Variants in WDR64 observed in about 807,000 individuals in gnomAD.
WDR64 encodes WD repeat domain 64, also known as WD repeat-containing protein 64.
In WDR64, 112 loss-of-function variants were observed where a neutral mutation model predicts 139.3. The observed-to-expected ratio is 0.80, with a 90% CI of 0.69 to 0.94. The LOEUF (loss-of-function observed/expected upper bound fraction) is 0.94. Ranked by LOEUF, WDR64 falls within the 40% of genes least tolerant of loss-of-function variation. The pLI is 0.00. For synonymous variants in WDR64, 444 were observed against 437.7 expected, an observed-to-expected ratio of 1.01 and a Z score of -0.18; for missense variants, 1,206 against 1,293.1, an observed-to-expected ratio of 0.93 and a Z score of 1.03.
intron 2 of WDR64, among the ~76,000 whole-genome samples, chr1:241,667,473 T>A (rs1383955011): frequency 6.6e-6 from 1 of 152,192 alleles, no homozygotes; most frequent in African/African-American, 2.4e-5. Flanking sequence ...AAGGTACTAA[T>A]CAGTTAACCT....
chr1:241,657,462 A>G (rs1665652908), intron 1 of WDR64, among the ~76,000 whole-genome samples: 1 of 152,156 alleles, frequency 6.6e-6, no homozygotes, highest in African/African-American at 2.4e-5. Context: ...CTCACCTCAC[A>G]GCATTTTCCG....
chr1:241,801,459 A>G lies in WDR64; in HGVS notation c.*244A>G, dbSNP rs982241300. On this transcript the variant is annotated 3_prime_UTR_variant, in exon 28 of 28. Coordinates refer to ENST00000437684, the MANE Select transcript of WDR64 (RefSeq NM_001367482.1). ...TTATTTACTGTCAGCAAACTGACAC[A>G]TAAGAAAACAAATGAAATCAACAGC... 2.1e-5 allele frequency: 10 copies of G among 476,284 alleles called. No homozygotes were observed. The East Asian group carries it at 3.0e-4, about 14-fold the overall frequency. The allele number at this position is 476,284 out of a possible 1,614,324, so 29.5% of individuals were successfully genotyped here.
chr1:241,736,415 TAAAAAAA>T (rs59588872), intron 10 of WDR64, among the ~76,000 whole-genome samples: 1 of 134,656 alleles, frequency 7.4e-6, no homozygotes, highest in African/African-American at 2.8e-5. Flanking sequence ...TGGAAGAGTT[TAAAAAAA>T]AAAAAAAAAA....
intron 8 of WDR64, among the ~76,000 whole-genome samples, chr1:241,700,409 A>G (rs1257649315): frequency 1.3e-5 from 2 of 152,006 alleles, no homozygotes; most frequent in African/African-American, 4.8e-5. Flanking sequence ...GCCCTTGACC[A>G]TTTGACAGGA....
chr1:241,675,452 G>A (rs1391543544), intron 4 of WDR64, among the ~76,000 whole-genome samples: 1 of 152,070 alleles, frequency 6.6e-6, no homozygotes, highest in Non-Finnish European at 1.5e-5. Flanking sequence ...GTGCTCTGTG[G>A]CAATTCTTTG....
intron 6 of WDR64, 79 bp from the exon 7 acceptor site, chr1:241,683,408 A>T (rs41310587): frequency 0.046 from 64,902 of 1,407,938 alleles, 1,735 homozygotes; most frequent in Non-Finnish European, 0.053. Flanking sequence ...GGAAAGTGAA[A>T]TTTTTGTCAA....
rs143124813 is a variant in WDR64, at chr1:241,703,969, C to A, written c.975-7833C>A. On this transcript the variant is annotated intron_variant, in intron 8 of 27. Transcript: ENST00000437684. This position sits in a 1 kb window ranked among gnomAD's most constrained non-coding sequence, Gnocchi z 5.9. Reference sequence around the variant, plus strand: ...CACGGGAGAAGCCGCCCCCATGAACCAATCACCTCCCACTAGGTTCCTTCC... The same window carrying A: ...CACGGGAGAAGCCGCCCCCATGAACAAATCACCTCCCACTAGGTTCCTTCC... Among the ~76,000 whole-genome samples the A allele has an allele frequency of 2.0e-5, 3 of 152,302 alleles. No individual in the cohort carries two copies. Among genetic ancestry groups the A allele is most frequent in the Middle Eastern group, 3.4e-3 (1 of 294 alleles).
intron 10 of WDR64, among the ~76,000 whole-genome samples, chr1:241,727,956 A>G (rs1196112972): frequency 1.3e-5 from 2 of 152,172 alleles, no homozygotes; most frequent in Non-Finnish European, 1.5e-5. Flanking sequence ...TGAGGAGGTG[A>G]CATAAAAGCT....
At chr1:241,741,307 T>C (rs1669530433) in intron 11 of WDR64, among the ~76,000 whole-genome samples, 1 of 152,240 alleles carries the variant, frequency 6.6e-6, no homozygotes, top group Non-Finnish European at 1.5e-5. Context: ...AAATGAATGC[T>C]TTTCTGTGGC....
At chr1:241,771,830 T>G in intron 19 of WDR64, 133 bp downstream of exon 19, 1 of 351,770 alleles carries the variant, frequency 2.8e-6, no homozygotes, top group Non-Finnish European at 4.7e-6. Flanking sequence ...TCATATACAT[T>G]CATATATATT....
intron 8 of WDR64, among the ~76,000 whole-genome samples, chr1:241,702,545 G>A (rs895794076): frequency 5.3e-5 from 8 of 151,386 alleles, no homozygotes; most frequent in Non-Finnish European, 1.2e-4. Context: ...GAAAGAACTT[G>A]AATACAAAGG....
chr1:241,774,808 A>G (rs1658586089), intron 20 of WDR64, among the ~76,000 whole-genome samples: 1 of 152,224 alleles, frequency 6.6e-6, no homozygotes, highest in South Asian at 2.1e-4. Context: ...GAGGAATTGC[A>G]TGAAAAGGGT....
Position 241,780,327 on chromosome 1 carries a change from A to G in WDR64, c.2595+265A>G, listed in dbSNP as rs571776348. On this transcript the variant is annotated intron_variant, in intron 22 of 27. Transcript: ENST00000437684. The stretch of plus-strand genomic sequence containing the variant: ...TTTTGACTTATTTGTGAGAATTCAT[A>G]TAGCAACCCAGAGTTAGAAAAAGTT... 2.8e-3 allele frequency among the ~76,000 whole-genome samples: 430 copies of G among 152,314 alleles called. 3 individuals carry two copies. The highest frequency in any genetic ancestry group is 4.9e-3 in the Non-Finnish European group (330 of 68,024).
intron 25 of WDR64, among the ~76,000 whole-genome samples, chr1:241,794,188 A>G (rs966788484): frequency 2.0e-5 from 3 of 152,024 alleles, no homozygotes; most frequent in Non-Finnish European, 4.4e-5. Context: ...TCTCAAAAAA[A>G]AAAAAAGAAA....
In WDR64 at chr1:241,764,464, G is replaced by T. The variant is rs1574079324; in HGVS notation, c.1948-1754G>T. Among the ~76,000 whole-genome samples the T allele has an allele frequency of 4.6e-5, 7 of 152,130 alleles. No homozygotes were observed. In the South Asian group the frequency reaches 1.5e-3, roughly 32 times the overall value. Reference sequence around the variant, plus strand: ...GGCCAGGAGTTCGAGGCCAGCCTGGGCAACATAGGCCCCATCTCTACAAAA... The same window carrying T: ...GGCCAGGAGTTCGAGGCCAGCCTGGTCAACATAGGCCCCATCTCTACAAAA... On this transcript the variant is annotated intron_variant, in intron 15 of 27. Transcript: ENST00000437684.
chr1:241,685,083 A>G (rs1666955046), intron 7 of WDR64, among the ~76,000 whole-genome samples: 1 of 151,920 alleles, frequency 6.6e-6, no homozygotes, highest in African/African-American at 2.4e-5. Context: ...ATGGTAAATT[A>G]TCTAGTGTCC....
Position 241,787,842 on chromosome 1 carries a change from C to T in WDR64, c.2706-7C>T, listed in dbSNP as rs375547516. 6 of 1,560,066 alleles carry T rather than the reference C, an allele frequency of 3.8e-6. No homozygotes were observed. The African/African-American group carries it at 7.0e-5, about 18-fold the overall frequency. On this transcript the variant is annotated splice_region_variant and splice_polypyrimidine_tract_variant and intron_variant, in intron 23 of 27. Coordinates refer to ENST00000437684, the MANE Select transcript of WDR64 (RefSeq NM_001367482.1). The stretch of plus-strand genomic sequence containing the variant: ...ACTTTTTCCTCCCTTCCTTTTCCTT[C>T]CCTCAGGCTCTGGCATGCCCTCAAT...
intron 9 of WDR64, among the ~76,000 whole-genome samples, chr1:241,713,531 AAGGAAGGG>A (rs1400407369): frequency 8.0e-6 from 1 of 125,022 alleles, no homozygotes; most frequent in Non-Finnish European, 1.6e-5. Flanking sequence ...GAGAAAAAGC[AAGGAAGGG>A]AGGGAGGGAG....
intron 2 of WDR64, among the ~76,000 whole-genome samples, chr1:241,665,597 A>G (rs1164021826): frequency 1.3e-5 from 2 of 152,228 alleles, no homozygotes; most frequent in South Asian, 2.1e-4. Context: ...TTCATAGAAT[A>G]ATGAAATCTT....
Sources: gnomAD v4.1 joint callset for allele counts (sites outside exome capture counted in the v4.1 genomes callset) on GRCh38, gnomAD v4.1.1 for gene constraint, Gnocchi (gnomAD v3.1) non-coding constraint, MANE v1.5 for transcripts, NCBI Gene and HGNC (gene_info 2026-07-23, HGNC 2026-07-21) for gene names.